The following FRMPD4 variants were observed in gnomAD, a reference collection of about 807,000 sequenced individuals.
The protein encoded by FRMPD4 is FERM and PDZ domain containing 4, also known as FERM and PDZ domain-containing protein 4.
A neutral mutation model predicts 94.1 loss-of-function variants in FRMPD4; 22 were observed. That is an observed-to-expected ratio of 0.23 (90% confidence interval 0.17 to 0.33). FRMPD4 has a LOEUF of 0.33. Among genes scored for constraint, FRMPD4 ranks in the 10% least tolerant of loss-of-function variants. FRMPD4 has a pLI of 1.00. For missense variants in FRMPD4, 1,111 were observed against 1,339.9 expected (o/e 0.83, Z 2.67); for synonymous variants, 631 against 548.6 (o/e 1.15, Z -2.10).
At chrX:12,363,526 G>T (rs2056028429) in intron 1 of FRMPD4, among the ~76,000 whole-genome samples, 1 of 111,953 alleles carries the variant, frequency 8.9e-6, no homozygotes, top group Non-Finnish European at 1.9e-5. Flanking sequence ...GAGGAAAGCG[G>T]AAGAGGAGTG....
chrX:11,951,254 C>A (rs1417322616), intron 3 of FRMPD4, among the ~76,000 whole-genome samples: 1 of 110,472 alleles, frequency 9.1e-6, no homozygotes, highest in Non-Finnish European at 1.9e-5. Context: ...ACATACCCCC[C>A]AAAAATATGT....
At chrX:11,930,517 C>T (rs1233002509) in intron 3 of FRMPD4, among the ~76,000 whole-genome samples, 2 of 110,977 alleles carry the variant, frequency 1.8e-5, no homozygotes, top group East Asian at 5.7e-4. Flanking sequence ...CCTATAGTCA[C>T]CACAAGCTGA....
At chrX:12,501,233 C>T (rs1490410113) in intron 2 of FRMPD4, among the ~76,000 whole-genome samples, 1 of 112,684 alleles carries the variant, frequency 8.9e-6, no homozygotes, top group Non-Finnish European at 1.9e-5. Context: ...GAGAAACCTG[C>T]ACTGATTACT....
intron 1 of FRMPD4, among the ~76,000 whole-genome samples, chrX:12,204,006 A>G (rs1202972304): frequency 8.9e-6 from 1 of 112,526 alleles, no homozygotes; most frequent in African/African-American, 3.2e-5. Flanking sequence ...TTTTGTTCTT[A>G]TACAAAAACA....
chrX:12,514,150 A>G (rs1205087687), intron 2 of FRMPD4, among the ~76,000 whole-genome samples: 1 of 111,737 alleles, frequency 8.9e-6, no homozygotes, highest in Non-Finnish European at 1.9e-5. Flanking sequence ...ATATGGGATC[A>G]TGTCGTCTAC....
At chrX:12,520,936 C>T (rs2058155618) in intron 2 of FRMPD4, among the ~76,000 whole-genome samples, 1 of 111,699 alleles carries the variant, frequency 9.0e-6, no homozygotes. Flanking sequence ...CAAACTTTCC[C>T]GGTGAAAGAC....
At chrX:11,915,279 G>A (rs1319345923) in intron 3 of FRMPD4, among the ~76,000 whole-genome samples, 1 of 112,278 alleles carries the variant, frequency 8.9e-6, no homozygotes, top group Non-Finnish European at 1.9e-5. Flanking sequence ...CAATTTTGGG[G>A]GGAAGCATTT....
chrX:12,394,264 C>A (rs1483130868), intron 1 of FRMPD4, among the ~76,000 whole-genome samples: 1 of 111,071 alleles, frequency 9.0e-6, no homozygotes, highest in Non-Finnish European at 1.9e-5. Context: ...TAGAAGGGAC[C>A]ATATATCTCT....
At chrX:12,047,123 TTA>T (rs2054790042) in intron 3 of FRMPD4, among the ~76,000 whole-genome samples, 1 of 109,741 alleles carries the variant, frequency 9.1e-6, no homozygotes, top group Non-Finnish European at 1.9e-5. Context: ...ATATATATGG[TTA>T]TATATGTGTT....
chrX:12,642,635 A>G (rs2148462804), intron 4 of FRMPD4, among the ~76,000 whole-genome samples: 1 of 113,086 alleles, frequency 8.8e-6, no homozygotes, highest in African/African-American at 3.2e-5. Context: ...GGCATGGTGG[A>G]TCATACCTGT....
intron 3 of FRMPD4, among the ~76,000 whole-genome samples, chrX:11,917,601 C>T (rs2054031666): frequency 8.9e-6 from 1 of 112,007 alleles, no homozygotes; most frequent in African/African-American, 3.2e-5. Flanking sequence ...AACATGGATA[C>T]AGCTGGAGGC....
intron 1 of FRMPD4, among the ~76,000 whole-genome samples, chrX:12,293,848 A>G: frequency 8.9e-6 from 1 of 112,428 alleles, no homozygotes; most frequent in Admixed American, 9.4e-5. Flanking sequence ...GTCAGTAAAC[A>G]TCGTTTTCAT....
intron 1 of FRMPD4, among the ~76,000 whole-genome samples, chrX:11,834,880 T>A (rs2053493385): frequency 8.9e-6 from 1 of 112,047 alleles, no homozygotes; most frequent in Non-Finnish European, 1.9e-5. Flanking sequence ...TTTTAGTTTT[T>A]TTGGTAAGAT....
At chrX:12,055,724 C>G (rs1364092655) in intron 3 of FRMPD4, among the ~76,000 whole-genome samples, 1 of 112,002 alleles carries the variant, frequency 8.9e-6, no homozygotes, top group Non-Finnish European at 1.9e-5. Context: ...CCACATCTAT[C>G]TTTTAGTTCA....
chrX:12,409,364 A>G (rs2056704658), intron 1 of FRMPD4, among the ~76,000 whole-genome samples: 1 of 111,495 alleles, frequency 9.0e-6, no homozygotes, highest in Admixed American at 9.5e-5. Context: ...GTTTTCATTT[A>G]TTCTAGCTAA....
chrX:12,694,331 C>G lies in FRMPD4; in HGVS notation c.814-4C>G, dbSNP rs750931615. ...GTTCTTGTGTGATTGGTCTACTCTT[C>G]CAGGTGACACAGAGGCCCAGCTCCC... is the stretch of plus-strand genomic sequence containing the variant. On this transcript the variant is annotated splice_polypyrimidine_tract_variant and splice_region_variant and intron_variant, in intron 8 of 16. Transcript: ENST00000675598. 4 of 1,197,657 alleles carry G rather than the reference C, an allele frequency of 3.3e-6. No homozygotes were observed.
chrX:12,145,321 A>C (rs2055749173), intron 1 of FRMPD4, among the ~76,000 whole-genome samples: 1 of 112,537 alleles, frequency 8.9e-6, no homozygotes. Context: ...ATTGGATAAC[A>C]TACTGACCAT....
Position 12,451,733 on chromosome X carries a change from C to CGTGTGTGTGTGT in FRMPD4, c.42-46927_42-46916dup, listed in dbSNP as rs72300557. Among the ~76,000 whole-genome samples, 53 of 98,832 alleles carry CGTGTGTGTGTGT rather than the reference C, an allele frequency of 5.4e-4. 1 individual carries two copies. Among genetic ancestry groups the CGTGTGTGTGTGT allele is most frequent in the African/African-American group, 1.3e-3 (35 of 27,347 alleles). The allele number at this position is 98,832 out of a possible 115,157, so 85.8% of individuals were successfully genotyped here. ...ACCCTCAGTGATATGTGTGTATGCCCGTGTGTGTGTGTGTGTGTGTGTGTG... is the reference window on the plus strand; with the variant it reads ...ACCCTCAGTGATATGTGTGTATGCCCGTGTGTGTGTGTGTGTGTGTGTGTGTGTGTGTGTGTG... On this transcript the variant is annotated intron_variant, in intron 1 of 16. Coordinates refer to ENST00000675598, the MANE Select transcript of FRMPD4 (RefSeq NM_001368397.1).
intron 2 of FRMPD4, among the ~76,000 whole-genome samples, chrX:11,871,165 A>G (rs890056339): frequency 4.4e-5 from 5 of 112,515 alleles, no homozygotes; most frequent in Non-Finnish European, 9.4e-5. Flanking sequence ...ATACCCTAGC[A>G]TTCTTGTTCC....
Sources: allele counts gnomAD v4.1 joint callset (sites outside exome capture counted in the v4.1 genomes callset), GRCh38; gene constraint gnomAD v4.1.1; transcripts MANE v1.5; gene names NCBI Gene and HGNC (gene_info 2026-07-23, HGNC 2026-07-21).